The following PDXK variants were observed in gnomAD, a reference collection of about 807,000 sequenced individuals.
PDXK encodes epididymis secretory sperm binding protein Li 1a.
In PDXK, 15 loss-of-function variants were observed where a neutral mutation model predicts 43.2. The observed-to-expected ratio is 0.35, with a 90% CI of 0.23 to 0.53. The LOEUF is 0.53. PDXK is among the 20% of genes least tolerant of loss of function. The probability of loss-of-function intolerance (pLI) is 0.92; values close to 1 mark genes in which losing one functional copy is unlikely to be tolerated. For synonymous variants in PDXK, 172 were observed against 165.4 expected, an observed-to-expected ratio of 1.04 and a Z score of -0.31; for missense variants, 343 against 417.0, an observed-to-expected ratio of 0.82 and a Z score of 1.54.
intron 1 of PDXK, among the ~76,000 whole-genome samples, chr21:43,731,212 C>A (rs772343274): frequency 2.0e-5 from 3 of 152,208 alleles, no homozygotes; most frequent in Non-Finnish European, 4.4e-5. Context: ...GTGGCCCAAT[C>A]CATCTTCAAA....
At position 43,755,980 on chromosome 21, in the gene PDXK, C is replaced by T; in HGVS notation, c.856C>T (p.Pro286Ser). The change falls in exon 11 of 11, where the codon CCC becomes TCC. Residue 286 changes from proline (P) to serine (S), a missense_variant. Coordinates refer to ENST00000291565, the MANE Select transcript of PDXK (RefSeq NM_003681.5). ...AQAGEGVRPSPMQLELRMVQS... is the reference protein window; with the variant it reads ...AQAGEGVRPSSMQLELRMVQS... Reference sequence around the variant, plus strand: ...GGCCGGGGAAGGAGTGAGGCCCAGCCCCATGCAGCTGGAGCTGCGGATGGT... The same window carrying T: ...GGCCGGGGAAGGAGTGAGGCCCAGCTCCATGCAGCTGGAGCTGCGGATGGT... The T allele has an allele frequency of 6.2e-7, 1 of 1,612,750 alleles. No homozygotes were observed. The highest frequency in any genetic ancestry group is 1.1e-5 in the South Asian group (1 of 90,944).
At chr21:43,731,130 C>T (rs2083311860) in intron 1 of PDXK, among the ~76,000 whole-genome samples, 1 of 152,156 alleles carries the variant, frequency 6.6e-6, no homozygotes. Flanking sequence ...GCCACTGTGC[C>T]TGGCCATATG....
chr21:43,731,235 C>T (rs192934966), intron 1 of PDXK, among the ~76,000 whole-genome samples: 2 of 152,308 alleles, frequency 1.3e-5, no homozygotes, highest in South Asian at 2.1e-4. Context: ...CAGCAACAGT[C>T]GTTGAGTCCT....
At chr21:43,733,571 C>T (rs955889026) in intron 1 of PDXK, 40 of 830,974 alleles carry the variant, frequency 4.8e-5, no homozygotes, top group Non-Finnish European at 5.6e-5. Context: ...CACTCCCTGA[C>T]TCTCACTCAG....
intron 5 of PDXK, among the ~76,000 whole-genome samples, chr21:43,746,736 A>G: frequency 6.6e-6 from 1 of 152,172 alleles, no homozygotes; most frequent in East Asian, 1.9e-4. Flanking sequence ...ACTATTTTCT[A>G]ATAAAATTTC....
chr21:43,719,998 G>C, intron 1 of PDXK: 1 of 853,918 alleles, frequency 1.2e-6, no homozygotes, highest in Non-Finnish European at 1.4e-6. Flanking sequence ...CTAGCAGAGC[G>C]GCATCCCTGC....
chr21:43,735,935 C>T lies in PDXK; in HGVS notation c.142+1812C>T, dbSNP rs114725586. On this transcript the variant is annotated intron_variant, in intron 2 of 10. Transcript: ENST00000291565. This position sits in a 1 kb window ranked among gnomAD's most constrained non-coding sequence, Gnocchi z 5.3. ...CTGCTGGGGAGTGAGGCTGGTGCAT[C>T]GTGTACCTGCCCTGGGTGCCACGGG... Among the ~76,000 whole-genome samples, 1,943 of 152,248 alleles carry T rather than the reference C, an allele frequency of 0.013. 44 individuals carry two copies. The highest frequency in any genetic ancestry group is 0.044 in the African/African-American group (1,848 of 41,544).
rs546193405 is a variant in PDXK at position 43,760,181 on chromosome 21, G to GTTT, written c.*4129_*4131dup. On this transcript the variant is annotated 3_prime_UTR_variant, in exon 11 of 11. Coordinates refer to ENST00000291565, the MANE Select transcript of PDXK (RefSeq NM_003681.5). ...AATCTTGGATTTTTTGTTTTTTTTT[G>GTTT]TTTTTTTTTTTTTGAGGTGAAGTCT... is the stretch of plus-strand genomic sequence containing the variant. 5 of 148,006 alleles carry GTTT rather than the reference G, an allele frequency of 3.4e-5. No homozygotes were observed. Among genetic ancestry groups the GTTT allele is most frequent in the Non-Finnish European group, 4.5e-5 (3 of 66,356 alleles). The allele number at this position is 148,006 out of a possible 1,614,324, so 9.2% of individuals were successfully genotyped here. A position where few individuals can be genotyped will look rare whatever the true frequency, so the allele number is the denominator to read the frequency against.
rs79561603 is a variant in PDXK at position 43,736,449 on chromosome 21, G to A, written c.142+2326G>A. Among the ~76,000 whole-genome samples the A allele has an allele frequency of 6.4e-3, 969 of 152,264 alleles. 10 individuals carry two copies. The highest frequency in any genetic ancestry group is 0.022 in the African/African-American group (914 of 41,534). ...AAGCAGCCGTGCGGACACTCGGGCC[G>A]TTTCCACTTTTTGGCTGTTGGGGTC... On this transcript the variant is annotated intron_variant, in intron 2 of 10. Transcript: ENST00000291565.
intron 1 of PDXK, chr21:43,728,757 G>T: frequency 1.0e-6 from 1 of 985,876 alleles, no homozygotes; most frequent in Non-Finnish European, 1.2e-6. Flanking sequence ...CTGCGCCTGG[G>T]CAGGGGATGA....
intron 3 of PDXK, 91 bp downstream of exon 3, chr21:43,741,862 C>T (rs992789484): frequency 4.9e-6 from 4 of 819,884 alleles, no homozygotes; most frequent in Non-Finnish European, 8.2e-6. Context: ...CCGCCCTGGG[C>T]CTGTCTCGGG....
At chr21:43,743,829 G>T in intron 4 of PDXK, 22 bp downstream of exon 4, 2 of 1,580,526 alleles carry the variant, frequency 1.3e-6, no homozygotes, top group Non-Finnish European at 1.7e-6. Context: ...CCCACCCTCG[G>T]GTCTGGCTGT....
rs567310782 is a variant in PDXK, at chr21:43,723,074, G to A, written c.87+3693G>A. ...AGGATGGTCTCAATCTCCTGACCTCGTGATCCGCCCACCTCGGCCTCCCAA... is the reference window on the plus strand; with the variant it reads ...AGGATGGTCTCAATCTCCTGACCTCATGATCCGCCCACCTCGGCCTCCCAA... On this transcript the variant is annotated intron_variant, in intron 1 of 10. Coordinates refer to ENST00000291565, the MANE Select transcript of PDXK (RefSeq NM_003681.5). The surrounding 1 kb of genome is among the most constrained non-coding windows in gnomAD (Gnocchi z 4.1). 4.2e-4 allele frequency among the ~76,000 whole-genome samples: 63 copies of A among 151,518 alleles called. No homozygotes were observed. Among genetic ancestry groups the A allele is most frequent in the Middle Eastern group, 6.9e-3 (2 of 290 alleles).
At chr21:43,727,332 C>A (rs1162831065) in intron 1 of PDXK, among the ~76,000 whole-genome samples, 1 of 152,028 alleles carries the variant, frequency 6.6e-6, no homozygotes, top group Non-Finnish European at 1.5e-5. Flanking sequence ...GAGCAAAAAA[C>A]CGTGCAATCA....
chr21:43,752,297 C>T (rs368854934), intron 7 of PDXK, among the ~76,000 whole-genome samples: 5 of 152,218 alleles, frequency 3.3e-5, no homozygotes, highest in Admixed American at 1.3e-4. Context: ...GGGAGCCACA[C>T]GGTTTGGGCT....
At chr21:43,749,679 C>T (rs894164446) in intron 6 of PDXK, among the ~76,000 whole-genome samples, 4 of 151,982 alleles carry the variant, frequency 2.6e-5, no homozygotes, top group African/African-American at 9.7e-5. Context: ...GTTTTGCTGC[C>T]CCTGTGCCTT....
chr21:43,724,516 A>G (rs1388024297), intron 1 of PDXK, among the ~76,000 whole-genome samples: 1 of 152,068 alleles, frequency 6.6e-6, no homozygotes, highest in Non-Finnish European at 1.5e-5. Context: ...AGGGCCCTCA[A>G]GTCAGGAGCT....
intron 6 of PDXK, 95 bp from the exon 7 acceptor site, chr21:43,750,405 T>G (rs1601829800): frequency 2.6e-6 from 3 of 1,139,262 alleles, no homozygotes; most frequent in African/African-American, 1.5e-5. Context: ...GGGATGGGGA[T>G]TTCCAGAGCC....
chr21:43,726,078 C>T (rs994654359), intron 1 of PDXK, among the ~76,000 whole-genome samples: 3 of 151,906 alleles, frequency 2.0e-5, no homozygotes, highest in African/African-American at 7.3e-5. Context: ...AGAATGTGTC[C>T]CAATCCAGGA....
Sources: gnomAD v4.1 joint callset for allele counts (sites outside exome capture counted in the v4.1 genomes callset) on GRCh38, gnomAD v4.1.1 for gene constraint, Gnocchi (gnomAD v3.1) non-coding constraint, MANE v1.5 for transcripts, NCBI Gene and HGNC (gene_info 2026-07-23, HGNC 2026-07-21) for gene names.